The following MGST1 variants were observed in gnomAD, a reference collection of about 807,000 sequenced individuals.
MGST1 encodes glutathione S-transferase 12.
A neutral mutation model predicts 8.9 loss-of-function variants in MGST1; 5 were observed. The ratio of observed to expected loss-of-function variants is 0.56; its 90% CI spans 0.29 to 1.19. The LOEUF (loss-of-function observed/expected upper bound fraction) is 1.19. Ranked by LOEUF, MGST1 falls within the 50% of genes most tolerant of loss-of-function variation. MGST1 has a pLI of 0.08. For synonymous variants in MGST1, 54 were observed against 67.8 expected (o/e 0.80, Z 1.00); for missense variants, 182 against 187.4 (o/e 0.97, Z 0.17).
intron 1 of MGST1, among the ~76,000 whole-genome samples, chr12:16,406,561 CG>C (rs1940699217): frequency 6.6e-6 from 1 of 152,154 alleles, no homozygotes; most frequent in Admixed American, 6.5e-5. Context: ...CTAGAAAAAA[CG>C]GTTTTAAAGT....
At chr12:16,429,644 T>C (rs1171836815) in intron 1 of MGST1, among the ~76,000 whole-genome samples, 2 of 152,190 alleles carry the variant, frequency 1.3e-5, no homozygotes, top group African/African-American at 4.8e-5. Context: ...ATTATGTTTA[T>C]ACTATACTGC....
At chr12:16,407,124 A>G (rs548952905) in intron 1 of MGST1, among the ~76,000 whole-genome samples, 1 of 152,354 alleles carries the variant, frequency 6.6e-6, no homozygotes, top group East Asian at 1.9e-4. Context: ...TGAAGAGACG[A>G]GACAACCTAC....
chr12:16,416,556 A>AG (rs1940789285), intron 1 of MGST1, among the ~76,000 whole-genome samples: 1 of 151,860 alleles, frequency 6.6e-6, no homozygotes, highest in African/African-American at 2.4e-5. Context: ...GGGCAGGGGG[A>AG]GGAAGTAAGC....
chr12:16,407,867 A>T (rs1565448616), intron 1 of MGST1, among the ~76,000 whole-genome samples: 1 of 151,856 alleles, frequency 6.6e-6, no homozygotes, highest in Admixed American at 6.6e-5. Context: ...CCCTGTCTCT[A>T]CTAAAAATAC....
intron 4 of MGST1, among the ~76,000 whole-genome samples, chr12:16,472,478 C>T (rs188109409): frequency 3.2e-4 from 47 of 149,202 alleles, no homozygotes; most frequent in African/African-American, 9.1e-4. Flanking sequence ...TGACTATTAA[C>T]GCCAAATCAC....
In MGST1 at chr12:16,576,605, C is replaced by A. The variant is rs114253737; in HGVS notation, n.483-12923C>A. The stretch of plus-strand genomic sequence containing the variant: ...GTTACGTACCTGTTTGTCTCTTTCT[C>A]ACTACATAATAAGCTCCCTGAAAAC... On this transcript the variant is annotated intron_variant and non_coding_transcript_variant, in intron 4 of 4. Coordinates refer to the MGST1 transcript ENST00000538857. This position sits in a 1 kb window ranked among gnomAD's most constrained non-coding sequence, Gnocchi z 4.1. Among the ~76,000 whole-genome samples the A allele has an allele frequency of 6.6e-6, 1 of 152,178 alleles. No homozygotes were observed. Among genetic ancestry groups the A allele is most frequent in the African/African-American group, 2.4e-5 (1 of 41,430 alleles).
chr12:16,543,341 A>G (rs1435940748), intron 4 of MGST1, among the ~76,000 whole-genome samples: 3 of 152,274 alleles, frequency 2.0e-5, no homozygotes, highest in African/African-American at 7.2e-5. Context: ...ACCATCCACT[A>G]TCTCTGACTA....
intron 4 of MGST1, among the ~76,000 whole-genome samples, chr12:16,450,874 GTGTC>G (rs1441304914): frequency 2.3e-5 from 3 of 132,708 alleles, no homozygotes; most frequent in Non-Finnish European, 3.4e-5. Flanking sequence ...GTGTGTGTGT[GTGTC>G]ACACACGGAA....
chr12:16,577,887 G>C (rs2137507230), intron 4 of MGST1, among the ~76,000 whole-genome samples: 1 of 152,156 alleles, frequency 6.6e-6, no homozygotes, highest in African/African-American at 2.4e-5. Flanking sequence ...GCCAGATTTA[G>C]GATCACAAAT....
At chr12:16,496,139 G>A (rs893536010) in intron 4 of MGST1, among the ~76,000 whole-genome samples, 3 of 152,046 alleles carry the variant, frequency 2.0e-5, no homozygotes, top group Non-Finnish European at 4.4e-5. Flanking sequence ...CAGCAATTCT[G>A]CTCCTAGGCA....
chr12:16,438,832 T>C (rs1941013674), downstream of MGST1: 1 of 151,896 alleles, frequency 6.6e-6, no homozygotes, highest in Non-Finnish European at 1.5e-5. Flanking sequence ...CTGCACCTAC[T>C]GTACATAAAA....
chr12:16,540,963 T>A (rs1941789775), intron 4 of MGST1, among the ~76,000 whole-genome samples: 1 of 152,186 alleles, frequency 6.6e-6, no homozygotes, highest in South Asian at 2.1e-4. Context: ...GGTTAAAACC[T>A]GATTTTGGAT....
intron 4 of MGST1, among the ~76,000 whole-genome samples, chr12:16,561,539 A>T (rs1302774839): frequency 6.6e-6 from 1 of 152,226 alleles, no homozygotes; most frequent in African/African-American, 2.4e-5. Flanking sequence ...ATGAATTCAA[A>T]GGTGCTATAG....
At chr12:16,522,908 T>C (rs1385758182) in intron 4 of MGST1, among the ~76,000 whole-genome samples, 1 of 152,082 alleles carries the variant, frequency 6.6e-6, no homozygotes, top group Non-Finnish European at 1.5e-5. Context: ...GCCTCATCTA[T>C]ACACCTGAAA....
At chr12:16,394,220 T>C (rs1046849449) in intron 1 of MGST1, among the ~76,000 whole-genome samples, 3 of 152,230 alleles carry the variant, frequency 2.0e-5, no homozygotes, top group African/African-American at 7.2e-5. Context: ...GAATGATTAA[T>C]AGTATCCCAT....
downstream of MGST1, among the ~76,000 whole-genome samples, chr12:16,441,043 A>G (rs192245366): frequency 2.0e-5 from 3 of 151,910 alleles, no homozygotes; most frequent in African/African-American, 2.4e-5. Flanking sequence ...ATTCTTTTAC[A>G]TACTTCTTAT....
intron 4 of MGST1, among the ~76,000 whole-genome samples, chr12:16,540,858 C>T (rs536773164): frequency 3.9e-5 from 6 of 152,186 alleles, no homozygotes; most frequent in South Asian, 2.1e-4. Context: ...TGCAGCAAGC[C>T]GAGACAGCGC....
At chr12:16,463,681 A>T (rs1431057783) in intron 4 of MGST1, among the ~76,000 whole-genome samples, 1 of 151,924 alleles carries the variant, frequency 6.6e-6, no homozygotes, top group African/African-American at 2.4e-5. Context: ...TTAAAAATAG[A>T]TTCTACTTTG....
At chr12:16,417,236 T>A (rs561302586) in intron 1 of MGST1, among the ~76,000 whole-genome samples, 8 of 152,216 alleles carry the variant, frequency 5.3e-5, no homozygotes, top group Non-Finnish European at 1.2e-4. Flanking sequence ...AACACATCCT[T>A]TTTCACATGG....
Sources: gnomAD v4.1 joint callset for allele counts (sites outside exome capture counted in the v4.1 genomes callset) on GRCh38, gnomAD v4.1.1 for gene constraint, Gnocchi (gnomAD v3.1) non-coding constraint, MANE v1.5 for transcripts, NCBI Gene and HGNC (gene_info 2026-07-23, HGNC 2026-07-21) for gene names.